Variants in IVD observed in about 807,000 individuals in gnomAD.
The protein encoded by IVD is isovaleryl-CoA dehydrogenase.
In IVD, 31 loss-of-function variants were observed where a neutral mutation model predicts 51.3. The observed-to-expected ratio is 0.60, with a 90% CI of 0.45 to 0.81. The LOEUF is 0.81. Ranked by LOEUF, IVD falls within the 40% of genes least tolerant of loss-of-function variation. The probability of loss-of-function intolerance (pLI) is 0.00; values close to 1 mark genes in which losing one functional copy is unlikely to be tolerated. For missense variants in IVD, 475 were observed against 552.0 expected (o/e 0.86, Z 1.40); for synonymous variants, 205 against 219.4 (o/e 0.93, Z 0.58).
downstream of IVD, among the ~76,000 whole-genome samples, chr15:40,421,618 C>T (rs1254169293): frequency 1.3e-5 from 2 of 152,184 alleles, 1 homozygote; most frequent in Admixed American, 1.3e-4. Flanking sequence ...GGATCCTGCC[C>T]CAGACCTAAT....
At chr15:40,414,802 G>A (rs1012514809) in intron 7 of IVD, 87 bp from the exon 8 acceptor site, 5 of 1,576,168 alleles carry the variant, frequency 3.2e-6, no homozygotes, top group African/African-American at 1.4e-5. Context: ...CCTTACTTGA[G>A]AGCCATGTTT....
intron 8 of IVD, 151 bp from the exon 9 acceptor site, chr15:40,415,250 C>G (rs777019120): frequency 1.3e-6 from 1 of 798,610 alleles, no homozygotes; most frequent in Non-Finnish European, 2.1e-6. Context: ...CGCCCCTGCA[C>G]CTCTGGCCAG....
At chr15:40,413,145 G>A (rs1483662605) in intron 7 of IVD, 58 bp downstream of exon 7, 6 of 1,383,880 alleles carry the variant, frequency 4.3e-6, no homozygotes, top group African/African-American at 1.4e-5. Flanking sequence ...GGCTGATCTG[G>A]CTGTTCTCAA....
In IVD at chr15:40,411,685, G is replaced by A. The variant is rs770792721; in HGVS notation, c.681G>A (p.Val227=). ...CTCGGGGCATCACAGCCTTCATTGT[G>A]GAGAAGGTGAGTATAGGTGGGTGCA... The part of the protein sequence containing the change: ...PASRGITAFI[V]EKGMPGFSTS... Residue 227 remains valine (V), a synonymous_variant, in exon 6 of 12, where the codon GTG becomes GTA. Transcript: ENST00000487418. The A allele has an allele frequency of 1.2e-6, 2 of 1,614,214 alleles. No individual in the cohort carries two copies. The highest frequency in any genetic ancestry group is 2.2e-5 in the East Asian group (1 of 44,884).
chr15:40,421,833 C>T (rs1016127531), downstream of IVD, among the ~76,000 whole-genome samples: 1 of 152,228 alleles, frequency 6.6e-6, no homozygotes, highest in African/African-American at 2.4e-5. Context: ...GCAGGGCCCC[C>T]TTTCAGAAGA....
At chr15:40,435,228 C>T (rs1223258569) in intron 8 of IVD, among the ~76,000 whole-genome samples, 1 of 152,164 alleles carries the variant, frequency 6.6e-6, no homozygotes, top group Non-Finnish European at 1.5e-5. Context: ...CCATGTTTGT[C>T]TTTCTTGTTG....
chr15:40,406,164 C>T (rs536613744), intron 1 of IVD, 193 bp downstream of exon 1: 1 of 1,538,454 alleles, frequency 6.5e-7, no homozygotes, highest in Non-Finnish European at 8.7e-7. Context: ...ACCTCGGCCT[C>T]ACGTCTGTGG....
intron 8 of IVD, among the ~76,000 whole-genome samples, chr15:40,434,954 G>T (rs775242273): frequency 2.0e-4 from 30 of 152,228 alleles, no homozygotes; most frequent in Admixed American, 5.9e-4. Flanking sequence ...AGAAGTCAGT[G>T]TTGGGGGCTT....
chr15:40,410,607 C>A, intron 3 of IVD, 21 bp from the exon 4 acceptor site: 3 of 1,614,022 alleles, frequency 1.9e-6, no homozygotes, highest in African/African-American at 2.7e-5. Context: ...TTTCCACTCC[C>A]TTGTACCACA....
chr15:40,412,923 G>T, intron 6 of IVD, 68 bp from the exon 7 acceptor site: 2 of 1,279,810 alleles, frequency 1.6e-6, no homozygotes, highest in Non-Finnish European at 2.3e-6. Context: ...TCTTCCCAGA[G>T]GCCTTTCCTT....
chr15:40,431,434 G>A (rs1314263729), intron 7 of IVD, among the ~76,000 whole-genome samples: 2 of 152,086 alleles, frequency 1.3e-5, no homozygotes, highest in African/African-American at 2.4e-5. Context: ...AGTGGCTCAC[G>A]CCTGTAATCC....
At chr15:40,406,829 A>G (rs1210224974) in intron 1 of IVD, among the ~76,000 whole-genome samples, 8 of 151,482 alleles carry the variant, frequency 5.3e-5, no homozygotes, top group Non-Finnish European at 7.4e-5. Flanking sequence ...CCTATTCTCA[A>G]GCTTTCCTGG....
rs80084737 is a variant in IVD, at chr15:40,408,476, G to T, written c.286+486G>T. Among the ~76,000 whole-genome samples, 1,401 of 152,266 alleles carry T rather than the reference G, an allele frequency of 9.2e-3. 15 individuals carry two copies. The highest frequency in any genetic ancestry group is 0.032 in the African/African-American group (1,341 of 41,532). On this transcript the variant is annotated intron_variant, in intron 3 of 11. Transcript: ENST00000487418. The stretch of plus-strand genomic sequence containing the variant: ...TGGAGCTCATTTGGGAGCAGATAGC[G>T]GGGGGAGTAGGGTAGGGGCTGGGCA...
rs140182461 is a variant in IVD, at chr15:40,411,267, G to A, written c.464G>A (p.Ser155Asn). 34 of 1,614,200 alleles carry A rather than the reference G, an allele frequency of 2.1e-5. No individual in the cohort carries two copies. The East Asian group carries it at 7.6e-4, about 36-fold the overall frequency. Reference protein sequence around the residue: ...QKEKYLPKLISGEYIGALAMS... With the variant: ...QKEKYLPKLINGEYIGALAMS... ...TGGGGGTTTTCCTTGCAGCTGATCA[G>A]TGGTGAGTACATCGGAGCCCTGGCC... Residue 155 changes from serine to asparagine, a missense_variant, in exon 5 of 12, where the codon AGT (serine) becomes AAT (asparagine). Ser to Asn is a conservative substitution (Grantham distance 46). Transcript: ENST00000487418.
rs763471771 is a variant in IVD at position 40,413,088 on chromosome 15, G to A, written c.784+1G>A. 1.9e-6 allele frequency: 3 copies of A among 1,611,848 alleles called. No homozygotes were observed. The Admixed American group carries it at 5.0e-5, about 27-fold the overall frequency. On this transcript the variant is annotated splice_donor_variant, in intron 7 of 11. Transcript: ENST00000487418. LOFTEE classifies it high-confidence loss of function. Reference sequence around the variant, plus strand: ...ATCTTTGAAGACTGCAAGATTCCTGGTAAGTAGCACCGGGAATCGGGGAGC... The same window carrying A: ...ATCTTTGAAGACTGCAAGATTCCTGATAAGTAGCACCGGGAATCGGGGAGC...
At position 40,419,181 on chromosome 15, in the gene IVD, T is replaced by G. The variant is rs1317947002; in HGVS notation, c.*918T>G. 2 of 1,289,260 alleles carry G rather than the reference T, an allele frequency of 1.6e-6. No individual in the cohort carries two copies. Among genetic ancestry groups the G allele is most frequent in the Admixed American group, 4.6e-5 (2 of 43,552 alleles). 79.9% of individuals were successfully genotyped at this position (1,289,260 alleles called of 1,614,324 possible). ...AACCCTGGCCCTTGTTTCTTCCAGT[T>G]TCTAGAGGTATCAGCTCCTAGCAGC... On this transcript the variant is annotated 3_prime_UTR_variant, in exon 12 of 12. Transcript: ENST00000487418.
At chr15:40,406,886 G>A (rs1353156195) in intron 1 of IVD, among the ~76,000 whole-genome samples, 3 of 147,210 alleles carry the variant, frequency 2.0e-5, no homozygotes, top group Admixed American at 6.8e-5. Context: ...TTTTTGAGAC[G>A]GAGTTTCACT....
downstream of IVD, among the ~76,000 whole-genome samples, chr15:40,428,579 G>A (rs973023593): frequency 6.6e-6 from 1 of 152,126 alleles, no homozygotes; most frequent in Admixed American, 6.5e-5. Context: ...CCAGGTGCTT[G>A]GAACCTGGCC....
chr15:40,421,152 G>T lies in IVD; in HGVS notation c.*2889G>T. On this transcript the variant is annotated 3_prime_UTR_variant, in exon 12 of 12. Coordinates refer to ENST00000487418, the MANE Select transcript of IVD (RefSeq NM_002225.5). ...AAGGGCCATCTTGCTGGCTTAATGT[G>T]TGGCTGGAGAGACCAGCCTGGAGAC... 1 of 985,528 alleles carries T rather than the reference G, an allele frequency of 1.0e-6. No individual in the cohort carries two copies. The highest frequency in any genetic ancestry group is 1.2e-6 in the Non-Finnish European group (1 of 829,986). The allele number at this position is 985,528 out of a possible 1,614,324, so 61.0% of individuals were successfully genotyped here.
Sources: allele counts gnomAD v4.1 joint callset (sites outside exome capture counted in the v4.1 genomes callset), GRCh38; gene constraint gnomAD v4.1.1; transcripts MANE v1.5; gene names NCBI Gene and HGNC (gene_info 2026-07-23, HGNC 2026-07-21).